ANKFN1: variants seen among roughly 807,000 people sequenced by gnomAD.
The protein encoded by ANKFN1 is ankyrin repeat and fibronectin type-III domain-containing protein 1.
In ANKFN1, 74 loss-of-function variants were observed where a neutral mutation model predicts 108.7. The observed-to-expected ratio is 0.68, with a 90% confidence interval of 0.56 to 0.83. ANKFN1 has a LOEUF of 0.83. ANKFN1 is among the 40% of genes least tolerant of loss of function. The pLI is 0.00. For synonymous variants in ANKFN1, 547 were observed against 516.2 expected, an observed-to-expected ratio of 1.06 and a Z score of -0.81; for missense variants, 1,505 against 1,382.3, an observed-to-expected ratio of 1.09 and a Z score of -1.41.
intron 18 of ANKFN1, among the ~76,000 whole-genome samples, chr17:56,491,342 T>C (rs1002510473): frequency 1.3e-5 from 2 of 152,156 alleles, no homozygotes; most frequent in Non-Finnish European, 2.9e-5. Context: ...AGTACTATGA[T>C]AGTCTGAATC....
chr17:56,443,476 G>T (rs2049181393), intron 10 of ANKFN1, among the ~76,000 whole-genome samples: 1 of 152,150 alleles, frequency 6.6e-6, no homozygotes, highest in Non-Finnish European at 1.5e-5. Flanking sequence ...ATGCCATGGT[G>T]GGAGTGGCGG....
chr17:56,474,762 C>T (rs913688155), intron 15 of ANKFN1, among the ~76,000 whole-genome samples: 1 of 152,140 alleles, frequency 6.6e-6, no homozygotes, highest in African/African-American at 2.4e-5. Flanking sequence ...GATTAGTGTT[C>T]ATTTCCCAAA....
At chr17:56,267,319 A>G (rs994564857) in intron 3 of ANKFN1, among the ~76,000 whole-genome samples, 3 of 152,100 alleles carry the variant, frequency 2.0e-5, no homozygotes, top group African/African-American at 7.2e-5. Flanking sequence ...CTTATAGATT[A>G]TGGATATCAG....
intron 8 of ANKFN1, among the ~76,000 whole-genome samples, chr17:56,428,783 G>T (rs1385860493): frequency 6.6e-6 from 1 of 151,856 alleles, no homozygotes; most frequent in Non-Finnish European, 1.5e-5. Context: ...CTTAAAATGT[G>T]CTCTCAACCA....
chr17:56,386,502 AG>A (rs1489141896), intron 8 of ANKFN1, among the ~76,000 whole-genome samples: 3 of 151,932 alleles, frequency 2.0e-5, no homozygotes, highest in South Asian at 2.1e-4. Context: ...AAGAAAAAAA[AG>A]AAAAACTTTA....
rs947670799 is a variant in ANKFN1 at position 56,512,766 on chromosome 17, C to A, written c.*1497C>A. On this transcript the variant is annotated 3_prime_UTR_variant, in exon 21 of 21. Transcript: ENST00000682825. The stretch of plus-strand genomic sequence containing the variant: ...GTTCACAATGTTATTCTGATCCCTT[C>A]CATTTTAAAAACATTTGATTTAAAC... Among the ~76,000 whole-genome samples the A allele has an allele frequency of 6.6e-6, 1 of 152,212 alleles. No individual in the cohort carries two copies. Among genetic ancestry groups the A allele is most frequent in the Admixed American group, 6.5e-5 (1 of 15,280 alleles).
chr17:56,444,425 G>A (rs1426860839), intron 10 of ANKFN1, among the ~76,000 whole-genome samples: 1 of 152,028 alleles, frequency 6.6e-6, no homozygotes, highest in East Asian at 1.9e-4. Flanking sequence ...CTATGCCTGT[G>A]TATTTTTTTT....
At position 56,348,148 on chromosome 17, in the gene ANKFN1, A is replaced by G. The variant is rs954135573; in HGVS notation, c.189-2618A>G. The stretch of plus-strand genomic sequence containing the variant: ...AGTTAGAGAAAACCTCCTATTTGCT[A>G]TTGAATCAAAGGTAAAGGATTTGTA... On this transcript the variant is annotated intron_variant, in intron 4 of 20. Coordinates refer to ENST00000682825, the MANE Select transcript of ANKFN1 (RefSeq NM_001370326.1). Among the ~76,000 whole-genome samples the G allele has an allele frequency of 2.6e-5, 4 of 152,122 alleles. 1 individual carries two copies. Among genetic ancestry groups the G allele is most frequent in the Non-Finnish European group, 1.5e-5 (1 of 68,002 alleles).
chr17:56,161,484 A>G (rs1182499400), intron 1 of ANKFN1, among the ~76,000 whole-genome samples: 1 of 152,190 alleles, frequency 6.6e-6, no homozygotes, highest in Non-Finnish European at 1.5e-5. Context: ...CTAGGTTTAA[A>G]TGAAATTTGC....
chr17:56,377,957 G>T (rs2046988330), intron 8 of ANKFN1, among the ~76,000 whole-genome samples: 1 of 152,158 alleles, frequency 6.6e-6, no homozygotes, highest in Non-Finnish European at 1.5e-5. Context: ...CGGGTTCTGG[G>T]TGGTATCCTT....
chr17:56,436,629 C>T (rs2048938131), intron 8 of ANKFN1, among the ~76,000 whole-genome samples: 1 of 151,856 alleles, frequency 6.6e-6, no homozygotes, highest in East Asian at 1.9e-4. Flanking sequence ...TTCAAGTTCA[C>T]GACCAGCCTG....
At chr17:56,399,605 T>C (rs2047689161) in intron 8 of ANKFN1, among the ~76,000 whole-genome samples, 1 of 151,902 alleles carries the variant, frequency 6.6e-6, no homozygotes, top group Non-Finnish European at 1.5e-5. Flanking sequence ...GCACCATATT[T>C]GTAATCTCTT....
chr17:56,049,462 A>C (rs1904736667), intron 4 of ANKFN1, among the ~76,000 whole-genome samples: 1 of 151,832 alleles, frequency 6.6e-6, no homozygotes, highest in Non-Finnish European at 1.5e-5. Context: ...ACATATGTAT[A>C]CATGTGCCAT....
At chr17:56,400,294 G>A (rs1232504173) in intron 8 of ANKFN1, among the ~76,000 whole-genome samples, 1 of 152,002 alleles carries the variant, frequency 6.6e-6, no homozygotes, top group Non-Finnish European at 1.5e-5. Context: ...GGATTAAGGT[G>A]GTATCACATT....
intron 2 of ANKFN1, among the ~76,000 whole-genome samples, chr17:56,218,493 C>A (rs1451967673): frequency 6.6e-6 from 1 of 152,054 alleles, no homozygotes; most frequent in Non-Finnish European, 1.5e-5. Context: ...ATGTGGAATT[C>A]TTTGGTCTAA....
chr17:56,241,605 C>T (rs1462201394), intron 3 of ANKFN1, among the ~76,000 whole-genome samples: 4 of 151,946 alleles, frequency 2.6e-5, no homozygotes, highest in Non-Finnish European at 5.9e-5. Flanking sequence ...GTTGCAAGAC[C>T]CCTAGTGGAT....
chr17:56,348,639 A>G (rs893073002), intron 4 of ANKFN1, among the ~76,000 whole-genome samples: 1 of 152,180 alleles, frequency 6.6e-6, no homozygotes, highest in Non-Finnish European at 1.5e-5. Flanking sequence ...TGGCCAATAA[A>G]CATGCAAAAA....
intron 4 of ANKFN1, among the ~76,000 whole-genome samples, chr17:56,093,198 A>G (rs533101872): frequency 1.3e-5 from 2 of 151,226 alleles, no homozygotes; most frequent in African/African-American, 4.8e-5. Context: ...CACAGGGAAC[A>G]TGACCAAGAC....
rs539246829 is a variant in ANKFN1 at position 56,506,257 on chromosome 17, C to T, written c.2645-4216C>T. Among the ~76,000 whole-genome samples, 110 of 150,896 alleles carry T rather than the reference C, an allele frequency of 7.3e-4. 1 individual carries two copies. Among genetic ancestry groups the T allele is most frequent in the African/African-American group, 2.3e-3 (95 of 40,978 alleles). On this transcript the variant is annotated intron_variant, in intron 20 of 20. Transcript: ENST00000682825. ...GCCCCAGTGTGTGATGTTCCCCTTC[C>T]TGTGAATGTGACATTATTTGAAAAA... is the stretch of plus-strand genomic sequence containing the variant.
Sources: allele counts gnomAD v4.1 joint callset (sites outside exome capture counted in the v4.1 genomes callset), GRCh38; gene constraint gnomAD v4.1.1; transcripts MANE v1.5; gene names NCBI Gene and HGNC (gene_info 2026-07-23, HGNC 2026-07-21).